The following IGF2BP3 variants were observed in gnomAD, a reference collection of about 807,000 sequenced individuals.
IGF2BP3 encodes insulin-like growth factor 2 mRNA-binding protein 3.
In IGF2BP3, 9 loss-of-function variants were observed where a neutral mutation model predicts 73.8. That is an observed-to-expected ratio of 0.12 (90% CI 0.07 to 0.21). The LOEUF (loss-of-function observed/expected upper bound fraction) is 0.21. Ranked by LOEUF, IGF2BP3 falls within the 10% of genes least tolerant of loss-of-function variation. The pLI, the probability that IGF2BP3 is intolerant of heterozygous loss-of-function variation, is 1.00. For missense variants in IGF2BP3, 542 were observed against 714.0 expected (o/e 0.76, Z 2.75); for synonymous variants, 258 against 256.7 (o/e 1.01, Z -0.05).
chr7:23,353,651 G>A (rs191948613), intron 5 of IGF2BP3, among the ~76,000 whole-genome samples: 90 of 152,312 alleles, frequency 5.9e-4, no homozygotes, highest in African/African-American at 2.1e-3. Context: ...GGGTTGTGAT[G>A]TACACTGCTC....
chr7:23,421,101 C>A (rs542699552), intron 2 of IGF2BP3, among the ~76,000 whole-genome samples: 1 of 152,266 alleles, frequency 6.6e-6, no homozygotes, highest in African/African-American at 2.4e-5. Context: ...CCTCTGCCTC[C>A]CGGGTTCAGG....
chr7:23,381,582 T>C (rs1281033913), intron 3 of IGF2BP3, among the ~76,000 whole-genome samples: 2 of 152,208 alleles, frequency 1.3e-5, no homozygotes, highest in Non-Finnish European at 2.9e-5. Context: ...TTTTAATTTT[T>C]TTTTTAGATG....
At chr7:23,318,063 AG>A (rs1368153894) in intron 11 of IGF2BP3, among the ~76,000 whole-genome samples, 1 of 152,226 alleles carries the variant, frequency 6.6e-6, no homozygotes, top group Non-Finnish European at 1.5e-5. Context: ...TAACAGAGCT[AG>A]AGGGAGAGCT....
intron 2 of IGF2BP3, among the ~76,000 whole-genome samples, chr7:23,430,440 C>A (rs945550524): frequency 6.6e-6 from 1 of 152,184 alleles, no homozygotes; most frequent in African/African-American, 2.4e-5. Context: ...AGTAAAAAGC[C>A]AAGCCTTATG....
intron 10 of IGF2BP3, among the ~76,000 whole-genome samples, chr7:23,340,210 T>C (rs1032750468): frequency 1.3e-5 from 2 of 152,136 alleles, no homozygotes; most frequent in African/African-American, 4.8e-5. Context: ...GGGCACGTAA[T>C]GAATCTATGC....
chr7:23,372,732 C>T (rs1466574555), intron 3 of IGF2BP3, among the ~76,000 whole-genome samples: 2 of 152,212 alleles, frequency 1.3e-5, no homozygotes, highest in African/African-American at 2.4e-5. Flanking sequence ...TAAGGCCATT[C>T]TCTTCTCTCC....
At chr7:23,406,067 TAA>T (rs35605892) in intron 3 of IGF2BP3, among the ~76,000 whole-genome samples, 128 of 139,044 alleles carry the variant, frequency 9.2e-4, no homozygotes, top group Middle Eastern at 3.5e-3. Flanking sequence ...ATTTTCTGAT[TAA>T]AAAAAAAAAA....
chr7:23,467,617 G>A (rs1017505833), intron 2 of IGF2BP3, among the ~76,000 whole-genome samples: 1 of 152,166 alleles, frequency 6.6e-6, no homozygotes, highest in Non-Finnish European at 1.5e-5. Context: ...CAAAAAAATA[G>A]AGCCGGAATC....
intron 2 of IGF2BP3, among the ~76,000 whole-genome samples, chr7:23,439,776 T>A (rs1437940975): frequency 6.6e-6 from 1 of 152,016 alleles, no homozygotes; most frequent in African/African-American, 2.4e-5. Context: ...ACATTTAACA[T>A]AAACAAAGAA....
intron 10 of IGF2BP3, among the ~76,000 whole-genome samples, chr7:23,329,802 G>A (rs760487628): frequency 1.3e-5 from 2 of 152,188 alleles, no homozygotes; most frequent in Non-Finnish European, 2.9e-5. Context: ...CCCCACAACA[G>A]ATCCAATTTC....
chr7:23,438,428 C>T (rs1250856296), intron 2 of IGF2BP3, among the ~76,000 whole-genome samples: 1 of 152,062 alleles, frequency 6.6e-6, no homozygotes, highest in Non-Finnish European at 1.5e-5. Context: ...GGGCCACATA[C>T]AAATTTTATA....
chr7:23,398,595 G>C (rs965344372), intron 3 of IGF2BP3, among the ~76,000 whole-genome samples: 2 of 152,132 alleles, frequency 1.3e-5, no homozygotes, highest in Non-Finnish European at 2.9e-5. Flanking sequence ...ACTTTTTAAT[G>C]ATTGCCATTT....
At chr7:23,329,242 G>A (rs1347609356) in intron 10 of IGF2BP3, among the ~76,000 whole-genome samples, 1 of 151,904 alleles carries the variant, frequency 6.6e-6, no homozygotes, top group African/African-American at 2.4e-5. Flanking sequence ...ACAAGGAATG[G>A]ATACAATAAA....
chr7:23,345,956 T>C lies in IGF2BP3; in HGVS notation c.925A>G (p.Lys309Glu). 6.2e-7 allele frequency: 1 copy of C among 1,612,782 alleles called. No homozygotes were observed. The highest frequency in any genetic ancestry group is 1.1e-5 in the South Asian group (1 of 91,008). Residue 309 changes from lysine to glutamate, a missense_variant, in exon 8 of 15, where the codon AAA (lysine) becomes GAA (glutamate). Physicochemically the swap from Lys to Glu is moderately conservative, Grantham distance 56. Coordinates refer to ENST00000258729, the MANE Select transcript of IGF2BP3 (RefSeq NM_006547.3). ...LKKIEQDTDT[K>E]ITISPLQELT... ...AGCACTCACGGAGATATCGTGATTT[T>C]AGTGTCTGTGTCTTGCTCAATTTTT...
At chr7:23,447,163 T>G (rs1788085762) in intron 2 of IGF2BP3, among the ~76,000 whole-genome samples, 1 of 151,614 alleles carries the variant, frequency 6.6e-6, no homozygotes, top group Admixed American at 6.6e-5. Context: ...ATCGCGCCAC[T>G]GCACTCCAGC....
At chr7:23,371,929 A>G (rs538621202) in intron 3 of IGF2BP3, among the ~76,000 whole-genome samples, 1 of 152,220 alleles carries the variant, frequency 6.6e-6, no homozygotes, top group African/African-American at 2.4e-5. Flanking sequence ...CTGAAGTCAC[A>G]GTGGAAAAAC....
At chr7:23,330,636 A>C (rs1784420974) in intron 10 of IGF2BP3, among the ~76,000 whole-genome samples, 1 of 152,328 alleles carries the variant, frequency 6.6e-6, no homozygotes, top group East Asian at 1.9e-4. Context: ...AACAACTGAA[A>C]GCAAGCAATG....
At chr7:23,320,806 G>C (rs467440) in intron 10 of IGF2BP3, among the ~76,000 whole-genome samples, 5,967 of 151,744 alleles carry the variant, frequency 0.039, 188 homozygotes, top group South Asian at 0.1. Flanking sequence ...AAATTAGCCA[G>C]GCATGGTAGC....
intron 5 of IGF2BP3, among the ~76,000 whole-genome samples, chr7:23,360,760 A>T (rs867319217): frequency 5.0e-4 from 76 of 152,304 alleles, no homozygotes; most frequent in African/African-American, 1.8e-3. Context: ...CACAGAGGAC[A>T]GTCAGCCTGC....
Sources: gnomAD v4.1 joint callset for allele counts (sites outside exome capture counted in the v4.1 genomes callset) on GRCh38, gnomAD v4.1.1 for gene constraint, MANE v1.5 for transcripts, NCBI Gene and HGNC (gene_info 2026-07-23, HGNC 2026-07-21) for gene names.